HEATR5A: variants seen among roughly 807,000 people sequenced by gnomAD.
HEATR5A encodes HEAT repeat containing 5A, also known as HEAT repeat-containing protein 5A.
In HEATR5A, 178 loss-of-function variants were observed where a neutral mutation model predicts 218.8. The observed-to-expected ratio is 0.81, with a 90% CI of 0.72 to 0.92. The LOEUF (loss-of-function observed/expected upper bound fraction) is 0.92, where lower values mean the gene tolerates loss of function less well. Ranked by LOEUF, HEATR5A falls within the 40% of genes least tolerant of loss-of-function variation. The pLI is 0.00. For missense variants in HEATR5A, 2,420 were observed against 2,418.9 expected (o/e 1.00, Z -0.01); for synonymous variants, 864 against 871.6 (o/e 0.99, Z 0.15).
intron 22 of HEATR5A, among the ~76,000 whole-genome samples, chr14:31,327,748 T>A (rs1230301098): frequency 6.6e-6 from 1 of 152,238 alleles, no homozygotes; most frequent in Non-Finnish European, 1.5e-5. Context: ...TATTGTGGAC[T>A]ACTGAATAAA....
Position 31,381,063 on chromosome 14 carries a change from A to T in HEATR5A, c.1597-485T>A, listed in dbSNP as rs2029959299. Among the ~76,000 whole-genome samples, 4 of 152,262 alleles carry T rather than the reference A, an allele frequency of 2.6e-5. 1 individual carries two copies. In the South Asian group the frequency reaches 8.3e-4, roughly 32 times the overall value. On this transcript the variant is annotated intron_variant, in intron 10 of 35. Transcript: ENST00000543095. ...GGAGATCGAGACCATCCTGGCTAGCACAGTGAAACCCCATCTCTACTAAAA... is the reference window on the plus strand; with the variant it reads ...GGAGATCGAGACCATCCTGGCTAGCTCAGTGAAACCCCATCTCTACTAAAA...
intron 11 of HEATR5A, 28 bp from the exon 12 acceptor site, chr14:31,374,996 A>G: frequency 1.3e-6 from 2 of 1,563,176 alleles, no homozygotes; most frequent in South Asian, 1.2e-5. Context: ...TGTCACTTGT[A>G]AGAGAATCCA....
At chr14:31,387,027 T>C (rs955470645) in intron 8 of HEATR5A, 93 bp downstream of exon 8, 22 of 1,196,934 alleles carry the variant, frequency 1.8e-5, no homozygotes, top group Middle Eastern at 4.0e-4. Context: ...TCAAGGTTTC[T>C]GTATTAATAT....
At chr14:31,349,650 C>G (rs1828571620) in intron 18 of HEATR5A, 139 bp downstream of exon 18, 2 of 616,482 alleles carry the variant, frequency 3.2e-6, no homozygotes. Flanking sequence ...TATTTTCTTT[C>G]CTTTAGCAGT....
In HEATR5A at chr14:31,337,582, T is replaced by C. The variant is rs751818994; in HGVS notation, c.3261A>G (p.Arg1087=). ...VNLCSPYLLL[R]RAVLACLRQL... is the part of the protein sequence containing the mutation. Reference sequence around the variant, plus strand: ...GACGTAAGCAAGCCAGTACTGCTCTTCTCAGTAACAAGTAGGGGCTACAAA... The same window carrying C: ...GACGTAAGCAAGCCAGTACTGCTCTCCTCAGTAACAAGTAGGGGCTACAAA... The change falls in exon 22 of 36, where the codon AGA becomes AGG. Residue 1087 remains arginine, a synonymous_variant. Coordinates refer to ENST00000543095, the MANE Select transcript of HEATR5A (RefSeq NM_015473.4). 1 of 1,600,812 alleles carries C rather than the reference T, an allele frequency of 6.2e-7. No homozygotes were observed. The highest frequency in any genetic ancestry group is 8.5e-7 in the Non-Finnish European group (1 of 1,173,496).
At chr14:31,415,353 T>C (rs78312489) in intron 1 of HEATR5A, among the ~76,000 whole-genome samples, 248 of 152,324 alleles carry the variant, frequency 1.6e-3, no homozygotes, top group South Asian at 9.1e-3. Flanking sequence ...TTTCATGTCC[T>C]ACTCATGGAA....
At chr14:31,416,890 C>T (rs1043738796) in intron 1 of HEATR5A, among the ~76,000 whole-genome samples, 1 of 151,592 alleles carries the variant, frequency 6.6e-6, no homozygotes, top group East Asian at 2.0e-4. Context: ...TTCCTTGAGC[C>T]CAGGAGTTCG....
chr14:31,344,452 A>G (rs1900956742), intron 20 of HEATR5A, among the ~76,000 whole-genome samples: 2 of 150,778 alleles, frequency 1.3e-5, no homozygotes, highest in South Asian at 2.1e-4. Flanking sequence ...CTAATTTTTC[A>G]TATTTTTAGC....
intron 20 of HEATR5A, among the ~76,000 whole-genome samples, chr14:31,344,268 CTTTTTTTTTTTT>C (rs577497140): frequency 1.2e-4 from 6 of 50,828 alleles, no homozygotes; most frequent in South Asian, 1.1e-3. Context: ...ATTAGTTATT[CTTTTTTTTTTTT>C]TTTTTTTTTT....
chr14:31,348,873 A>C (rs1901109166), intron 18 of HEATR5A, among the ~76,000 whole-genome samples: 1 of 152,208 alleles, frequency 6.6e-6, no homozygotes, highest in African/African-American at 2.4e-5. Flanking sequence ...CCAAGGTCAA[A>C]GTGCTATCAA....
intron 2 of HEATR5A, among the ~76,000 whole-genome samples, chr14:31,401,911 A>T (rs1025235999): frequency 6.6e-6 from 1 of 152,246 alleles, no homozygotes; most frequent in African/African-American, 2.4e-5. Flanking sequence ...ATCTGAATAA[A>T]GAGTACACAG....
rs1445090150 is a variant in HEATR5A, at chr14:31,371,874, G to T, written c.1897C>A (p.Leu633Ile). 1.3e-6 allele frequency: 2 copies of T among 1,551,386 alleles called. No individual in the cohort carries two copies. Among genetic ancestry groups the T allele is most frequent in the African/African-American group, 2.7e-5 (2 of 73,146 alleles). Residue 633 changes from leucine to isoleucine, a missense_variant, in exon 13 of 36, where the codon CTT (leucine) becomes ATT (isoleucine). By Grantham distance (5) the Leu-to-Ile change is conservative. Coordinates refer to ENST00000543095, the MANE Select transcript of HEATR5A (RefSeq NM_015473.4). ...AGACGCTGAGTTACTTCCTCAGTAA[G>T]AAGATCACCACAGTGGGAAACAAAG... is the stretch of plus-strand genomic sequence containing the variant. Reference protein sequence around the residue: ...KSFVSHCGDLLTEEVTQRLLP... With the variant: ...KSFVSHCGDLITEEVTQRLLP...
intron 1 of HEATR5A, among the ~76,000 whole-genome samples, chr14:31,414,789 T>C (rs2031391459): frequency 2.6e-5 from 4 of 152,202 alleles, no homozygotes. Context: ...TAATCCACAC[T>C]ATGGTCTAAT....
In HEATR5A at chr14:31,347,919, A is replaced by C. The variant is rs1198498636; in HGVS notation, c.2709-12T>G. On this transcript the variant is annotated splice_polypyrimidine_tract_variant and intron_variant, in intron 18 of 35. Transcript: ENST00000543095. ...TTGCTGATTTCAATCTGTAAATATAAAAATAAAAATAAACGGTAATCACTG... is the reference window on the plus strand; with the variant it reads ...TTGCTGATTTCAATCTGTAAATATACAAATAAAAATAAACGGTAATCACTG... The C allele has an allele frequency of 7.0e-7, 1 of 1,438,350 alleles. No homozygotes were observed. The highest frequency in any genetic ancestry group is 9.2e-7 in the Non-Finnish European group (1 of 1,085,712). The allele number at this position is 1,438,350 out of a possible 1,614,324, so 89.1% of individuals were successfully genotyped here.
At chr14:31,409,063 A>AAAAAAAG (rs2031184571) in intron 1 of HEATR5A, among the ~76,000 whole-genome samples, 1 of 126,840 alleles carries the variant, frequency 7.9e-6, no homozygotes, top group Non-Finnish European at 1.7e-5. Flanking sequence ...TCAAAAAAAA[A>AAAAAAAG]AAAAGATGGA....
intron 7 of HEATR5A, 26 bp from the exon 8 acceptor site, chr14:31,387,401 C>T (rs2030271179): frequency 1.9e-6 from 3 of 1,546,440 alleles, no homozygotes; most frequent in Non-Finnish European, 1.8e-6. Context: ...GTTTTATTTT[C>T]AATATTAAAT....
chr14:31,400,852 T>C (rs1295327215), intron 2 of HEATR5A, among the ~76,000 whole-genome samples: 1 of 151,646 alleles, frequency 6.6e-6, no homozygotes, highest in African/African-American at 2.4e-5. Context: ...TTGTTTTTTT[T>C]TTTTTGAGAT....
intron 21 of HEATR5A, among the ~76,000 whole-genome samples, chr14:31,342,108 T>A (rs971713283): frequency 2.0e-5 from 3 of 152,122 alleles, no homozygotes; most frequent in African/African-American, 7.2e-5. Context: ...TTTATTGGGC[T>A]AGGCATGGTG....
chr14:31,371,686 T>C (rs1902042936), intron 13 of HEATR5A, 124 bp downstream of exon 13: 1 of 448,800 alleles, frequency 2.2e-6, no homozygotes, highest in African/African-American at 2.0e-5. Context: ...AAAAATCATA[T>C]AACTAACTGA....
Sources: allele counts gnomAD v4.1 joint callset (sites outside exome capture counted in the v4.1 genomes callset), GRCh38; gene constraint gnomAD v4.1.1; transcripts MANE v1.5; gene names NCBI Gene and HGNC (gene_info 2026-07-23, HGNC 2026-07-21).